TBC1D22A: variants seen among roughly 807,000 people sequenced by gnomAD.
TBC1D22A encodes the protein TBC1 domain family member 22A.
TBC1D22A carries 38 observed loss-of-function variants against 60.2 expected under a neutral mutation model. That is an observed-to-expected ratio of 0.63 (90% CI 0.49 to 0.83). The LOEUF (loss-of-function observed/expected upper bound fraction) is 0.83. TBC1D22A is among the 40% of genes least tolerant of loss of function. The pLI is 0.00. For synonymous variants in TBC1D22A, 302 were observed against 281.7 expected (o/e 1.07, Z -0.72); for missense variants, 628 against 701.0 (o/e 0.90, Z 1.18).
At chr22:47,109,018 TGA>T (rs1472813464) in intron 11 of TBC1D22A, among the ~76,000 whole-genome samples, 1 of 152,198 alleles carries the variant, frequency 6.6e-6, no homozygotes, top group African/African-American at 2.4e-5. Flanking sequence ...GTTTATCGTA[TGA>T]GAGTTATACC....
At chr22:46,873,153 G>C (rs2067370959) in intron 4 of TBC1D22A, among the ~76,000 whole-genome samples, 1 of 152,052 alleles carries the variant, frequency 6.6e-6, no homozygotes, top group Admixed American at 6.6e-5. Flanking sequence ...CCCATAATCA[G>C]AAGAAAAATT....
chr22:47,058,794 T>G (rs2063479693), intron 11 of TBC1D22A, among the ~76,000 whole-genome samples: 1 of 152,000 alleles, frequency 6.6e-6, no homozygotes, highest in Non-Finnish European at 1.5e-5. Context: ...GACCCAGCCG[T>G]GTTGCTCTGT....
intron 11 of TBC1D22A, among the ~76,000 whole-genome samples, chr22:47,082,220 G>C (rs1459549588): frequency 1.3e-5 from 2 of 152,068 alleles, no homozygotes; most frequent in Non-Finnish European, 2.9e-5. Flanking sequence ...ATCCTAATCA[G>C]ATTCCTACTA....
At chr22:46,827,192 G>A (rs866856593) in intron 4 of TBC1D22A, among the ~76,000 whole-genome samples, 1 of 152,102 alleles carries the variant, frequency 6.6e-6, no homozygotes, top group Admixed American at 6.5e-5. Context: ...GTCCCATGGC[G>A]CCCCCTGCCT....
At chr22:47,170,240 G>A (rs150593713) in intron 12 of TBC1D22A, among the ~76,000 whole-genome samples, 3 of 152,246 alleles carry the variant, frequency 2.0e-5, no homozygotes, top group Admixed American at 6.5e-5. Flanking sequence ...TGAACCTGGC[G>A]GACTAAATTA....
At chr22:47,084,626 A>C (rs925111429) in intron 11 of TBC1D22A, among the ~76,000 whole-genome samples, 1 of 152,236 alleles carries the variant, frequency 6.6e-6, no homozygotes, top group African/African-American at 2.4e-5. Flanking sequence ...GAACCTAAGT[A>C]TTCAGCAACA....
At chr22:47,038,336 A>T (rs1244001531) in intron 11 of TBC1D22A, among the ~76,000 whole-genome samples, 1 of 152,152 alleles carries the variant, frequency 6.6e-6, no homozygotes, top group East Asian at 1.9e-4. Context: ...TGGGGGACGG[A>T]CGTTTCTGGA....
chr22:46,781,897 A>G (rs940852961), intron 1 of TBC1D22A, among the ~76,000 whole-genome samples: 4 of 152,142 alleles, frequency 2.6e-5, no homozygotes, highest in Non-Finnish European at 2.9e-5. Flanking sequence ...CACCCAACTA[A>G]TGGCCCCTGC....
At chr22:47,001,365 A>G (rs2061405488) in intron 10 of TBC1D22A, among the ~76,000 whole-genome samples, 1 of 144,756 alleles carries the variant, frequency 6.9e-6, no homozygotes, top group Admixed American at 7.0e-5. Flanking sequence ...ACACACATGA[A>G]CCCGGGAGGC....
rs146697867 is a variant in TBC1D22A at position 47,066,541 on chromosome 22, G to A, written c.1329+29343G>A. 6.4e-4 allele frequency among the ~76,000 whole-genome samples: 98 copies of A among 152,338 alleles called. 2 individuals carry two copies. The East Asian group carries it at 0.015, about 23-fold the overall frequency. Reference sequence around the variant, plus strand: ...TGCATCCCTTGGTGAGGGACCAAGCGTGTGCGGAGGGAGGCTGGGAAGCAC... The same window carrying A: ...TGCATCCCTTGGTGAGGGACCAAGCATGTGCGGAGGGAGGCTGGGAAGCAC... On this transcript the variant is annotated intron_variant, in intron 11 of 12. Transcript: ENST00000337137.
intron 4 of TBC1D22A, among the ~76,000 whole-genome samples, chr22:46,835,935 A>C (rs2086496792): frequency 6.6e-6 from 1 of 152,196 alleles, no homozygotes; most frequent in African/African-American, 2.4e-5. Flanking sequence ...TGATATATTC[A>C]AAGTAATGCA....
chr22:46,884,420 C>A (rs2068007205), intron 5 of TBC1D22A, among the ~76,000 whole-genome samples: 1 of 152,196 alleles, frequency 6.6e-6, no homozygotes, highest in African/African-American at 2.4e-5. Context: ...TAGTGCCCAC[C>A]AGACACAGGT....
chr22:46,797,163 A>T (rs1213637082), intron 3 of TBC1D22A, among the ~76,000 whole-genome samples: 1 of 152,062 alleles, frequency 6.6e-6, no homozygotes, highest in Non-Finnish European at 1.5e-5. Flanking sequence ...TGGGAGCCTG[A>T]CCTCCACACA....
intron 4 of TBC1D22A, among the ~76,000 whole-genome samples, chr22:46,827,278 G>A (rs1325039975): frequency 2.6e-5 from 4 of 152,202 alleles, no homozygotes; most frequent in Non-Finnish European, 5.9e-5. Flanking sequence ...GTGACCTCAC[G>A]TGGGGCAAGT....
chr22:46,998,674 T>C (rs1361489746), intron 10 of TBC1D22A, among the ~76,000 whole-genome samples: 1 of 152,266 alleles, frequency 6.6e-6, no homozygotes, highest in African/African-American at 2.4e-5. Flanking sequence ...TATTCTAAAA[T>C]GGACTCCTAC....
intron 4 of TBC1D22A, among the ~76,000 whole-genome samples, chr22:46,878,407 C>T (rs911733257): frequency 5.1e-4 from 22 of 43,240 alleles, no homozygotes; most frequent in Non-Finnish European, 9.1e-4. Flanking sequence ...TGGGGCCTCA[C>T]GTGTTCCAGG....
intron 8 of TBC1D22A, among the ~76,000 whole-genome samples, chr22:46,946,621 C>T (rs1260132702): frequency 1.3e-5 from 2 of 152,094 alleles, no homozygotes; most frequent in African/African-American, 4.8e-5. Context: ...TGCGTGAGTC[C>T]CACGGCTGTG....
chr22:46,793,058 G>A (rs1294867938), intron 2 of TBC1D22A, among the ~76,000 whole-genome samples: 2 of 152,284 alleles, frequency 1.3e-5, no homozygotes, highest in African/African-American at 4.8e-5. Flanking sequence ...TGGGGCCGAT[G>A]TTGTGTGTTG....
At chr22:47,168,960 G>C (rs932469622) in intron 12 of TBC1D22A, among the ~76,000 whole-genome samples, 27 of 151,744 alleles carry the variant, frequency 1.8e-4, no homozygotes, top group African/African-American at 5.6e-4. Flanking sequence ...TGGGAGCCTC[G>C]TCTGCTCTTC....
Sources: gnomAD v4.1 joint callset for allele counts (sites outside exome capture counted in the v4.1 genomes callset) on GRCh38, gnomAD v4.1.1 for gene constraint, MANE v1.5 for transcripts, NCBI Gene and HGNC (gene_info 2026-07-23, HGNC 2026-07-21) for gene names.